The following NHSL2 variants were observed in gnomAD, a reference collection of about 807,000 sequenced individuals.
NHSL2 encodes NHS-like protein 2.
Under a neutral mutation model 53.4 loss-of-function variants are expected in NHSL2, and 27 were observed. The ratio of observed to expected loss-of-function variants is 0.51; its 90% CI spans 0.37 to 0.70. NHSL2 has a LOEUF of 0.70. Ranked by LOEUF, NHSL2 falls within the 30% of genes least tolerant of loss-of-function variation. The pLI is 0.00. For missense variants in NHSL2, 892 were observed against 980.1 expected, an observed-to-expected ratio of 0.91 and a Z score of 1.20; for synonymous variants, 408 against 404.1, an observed-to-expected ratio of 1.01 and a Z score of -0.12.
chrX:72,023,327 G>A (rs1842751668), intron 1 of NHSL2, among the ~76,000 whole-genome samples: 1 of 112,787 alleles, frequency 8.9e-6, no homozygotes, highest in Non-Finnish European at 1.9e-5. Context: ...AGAAAATCAG[G>A]CTGGCGGATG....
intron 1 of NHSL2, among the ~76,000 whole-genome samples, chrX:72,076,079 A>G (rs748348839): frequency 9.0e-6 from 1 of 110,798 alleles, no homozygotes; most frequent in South Asian, 3.9e-4. Context: ...GATTACAGGC[A>G]TATGCCACCA....
intron 1 of NHSL2, chrX:72,129,925 C>T (rs760495609): frequency 8.3e-7 from 1 of 1,209,159 alleles, no homozygotes; most frequent in African/African-American, 1.8e-5. Context: ...TTGGCGTTGT[C>T]CTAAACGACC....
chrX:71,993,867 C>CAA (rs764952225), intron 1 of NHSL2, among the ~76,000 whole-genome samples: 5 of 95,115 alleles, frequency 5.3e-5, no homozygotes, highest in African/African-American at 1.1e-4. Context: ...AGGCCAAAAC[C>CAA]AAAAAAAAAA....
intron 1 of NHSL2, among the ~76,000 whole-genome samples, chrX:71,926,422 A>G (rs1167847050): frequency 8.9e-6 from 1 of 111,952 alleles, no homozygotes; most frequent in Non-Finnish European, 1.9e-5. Context: ...TCTGTCAAGT[A>G]ATAGATACTG....
chrX:72,121,141 T>G (rs1418774414), intron 1 of NHSL2, among the ~76,000 whole-genome samples: 1 of 112,203 alleles, frequency 8.9e-6, no homozygotes, highest in Non-Finnish European at 1.9e-5. Context: ...CACCCAGGAC[T>G]GTGCTTCTCT....
At position 72,139,782 on chromosome X, in the gene NHSL2, G is replaced by A. The variant is rs758966497; in HGVS notation, c.2234G>A (p.Arg745His). The A allele has an allele frequency of 1.2e-5, 15 of 1,208,866 alleles. No individual in the cohort carries two copies. In the Admixed American group the frequency reaches 1.5e-4, roughly 12 times the overall value. Residue 745 changes from arginine (R) to histidine (H), a missense_variant, in exon 6 of 8, where the codon CGT becomes CAT. Physicochemically the swap from Arg to His is conservative, Grantham distance 29. Transcript: ENST00000633930. ...CCTCCAAGCAGCAGTGTCCGGGTAC[G>A]TCCAGTGGTACCTGAGAGGAAGTCA... ...LPPPSSSVRV[R>H]PVVPERKSSL...
At chrX:71,982,538 G>A (rs1465582441) in intron 1 of NHSL2, among the ~76,000 whole-genome samples, 3 of 112,150 alleles carry the variant, frequency 2.7e-5, no homozygotes, top group Non-Finnish European at 5.6e-5. Context: ...CATGAATAGA[G>A]GGTTGGGACT....
chrX:72,026,140 C>T (rs2042184444), intron 1 of NHSL2, among the ~76,000 whole-genome samples: 1 of 111,925 alleles, frequency 8.9e-6, no homozygotes, highest in Non-Finnish European at 1.9e-5. Context: ...TCAGGGTCTC[C>T]CCTGCCCGAT....
chrX:72,083,971 T>A (rs1231365347), intron 1 of NHSL2, among the ~76,000 whole-genome samples: 1 of 112,121 alleles, frequency 8.9e-6, no homozygotes. Context: ...ATCCTTTTTC[T>A]GGAATGTCTT....
In NHSL2 at chrX:72,141,084, G is replaced by A. The variant is rs41303707; in HGVS notation, c.3223+313G>A. On this transcript the variant is annotated intron_variant, in intron 6 of 7. Coordinates refer to ENST00000633930, the MANE Select transcript of NHSL2 (RefSeq NM_001013627.3). ...AGGACTTCAGCATCCCACATCCCTA[G>A]CCAAGCATGCATCCTGTCTTGGGAA... 9.6e-3 allele frequency: 1,853 copies of A among 192,465 alleles called. 17 individuals carry two copies. The highest frequency in any genetic ancestry group is 0.04 in the East Asian group (310 of 7,728). 15.9% of individuals were successfully genotyped at this position (192,465 alleles called of 1,213,427 possible).
intron 1 of NHSL2, among the ~76,000 whole-genome samples, chrX:71,996,649 G>A (rs1040092442): frequency 1.8e-5 from 2 of 112,302 alleles, no homozygotes; most frequent in Admixed American, 9.4e-5. Context: ...ATTTTCAGAG[G>A]AGAACATTGA....
At chrX:72,070,016 A>G (rs886079949) in intron 1 of NHSL2, among the ~76,000 whole-genome samples, 7 of 112,487 alleles carry the variant, frequency 6.2e-5, no homozygotes, top group African/African-American at 1.9e-4. Context: ...CTGGAGTGTC[A>G]GAGAAGTGAG....
intron 1 of NHSL2, among the ~76,000 whole-genome samples, chrX:72,103,733 AG>A (rs2042015408): frequency 8.9e-6 from 1 of 112,471 alleles, no homozygotes. Flanking sequence ...TCACTCAGAC[AG>A]GGCCTGGGAC....
At chrX:72,138,175 G>C (rs950273012) in intron 5 of NHSL2, among the ~76,000 whole-genome samples, 3 of 111,681 alleles carry the variant, frequency 2.7e-5, no homozygotes, top group Non-Finnish European at 3.8e-5. Flanking sequence ...AATCCCACGT[G>C]ACACTTCAGC....
intron 1 of NHSL2, among the ~76,000 whole-genome samples, chrX:71,999,456 A>G (rs767241943): frequency 8.9e-6 from 1 of 112,565 alleles, no homozygotes; most frequent in East Asian, 2.8e-4. Context: ...CGTATGAGCC[A>G]GTTGTTAAAT....
chrX:72,076,453 A>G (rs1018481701), intron 1 of NHSL2, among the ~76,000 whole-genome samples: 2 of 111,389 alleles, frequency 1.8e-5, no homozygotes, highest in Admixed American at 1.9e-4. Context: ...TCATGCAGCT[A>G]CAGAGATCAA....
chrX:72,000,047 T>C (rs908698430), intron 1 of NHSL2, among the ~76,000 whole-genome samples: 1 of 112,329 alleles, frequency 8.9e-6, no homozygotes, highest in Non-Finnish European at 1.9e-5. Flanking sequence ...CACTTCACAT[T>C]CTTATATAAG....
intron 1 of NHSL2, among the ~76,000 whole-genome samples, chrX:71,999,216 T>C (rs1389808233): frequency 1.8e-5 from 2 of 112,504 alleles, no homozygotes; most frequent in South Asian, 3.6e-4. Flanking sequence ...CTACAGGCAC[T>C]GTCTGCTACT....
At chrX:72,100,625 G>A (rs943506317) in intron 1 of NHSL2, among the ~76,000 whole-genome samples, 1 of 111,947 alleles carries the variant, frequency 8.9e-6, no homozygotes, top group Non-Finnish European at 1.9e-5. Flanking sequence ...ATCAGCAGCG[G>A]CATTAGATTC....
Sources: gnomAD v4.1 joint callset for allele counts (sites outside exome capture counted in the v4.1 genomes callset) on GRCh38, gnomAD v4.1.1 for gene constraint, MANE v1.5 for transcripts, NCBI Gene and HGNC (gene_info 2026-07-23, HGNC 2026-07-21) for gene names.